TAF2: variants seen among roughly 807,000 people sequenced by gnomAD.
TAF2 encodes TATA-box binding protein associated factor 2.
Under a neutral mutation model 138.5 loss-of-function variants are expected in TAF2, and 61 were observed. The ratio of observed to expected loss-of-function variants is 0.44; its 90% CI spans 0.36 to 0.54. The LOEUF is 0.54. TAF2 is among the 20% of genes least tolerant of loss of function. The pLI, the probability that TAF2 is intolerant of heterozygous loss-of-function variation, is 0.00. For missense variants in TAF2, 1,090 were observed against 1,427.9 expected, an observed-to-expected ratio of 0.76 and a Z score of 3.81; for synonymous variants, 475 against 469.9, an observed-to-expected ratio of 1.01 and a Z score of -0.14.
In TAF2 at chr8:119,832,582, C is replaced by T; in HGVS notation, c.-18G>A. On this transcript the variant is annotated 5_prime_UTR_variant, in exon 1 of 26. Transcript: ENST00000378164. Reference sequence around the variant, plus strand: ...AGCGGCATGAAGCGGTCCCGCGGAGCTTGGCTTCCCGGCTTCCTAGGGGGA... The same window carrying T: ...AGCGGCATGAAGCGGTCCCGCGGAGTTTGGCTTCCCGGCTTCCTAGGGGGA... 1 of 1,611,518 alleles carries T rather than the reference C, an allele frequency of 6.2e-7. No homozygotes were observed. Among genetic ancestry groups the T allele is most frequent in the East Asian group, 2.2e-5 (1 of 44,890 alleles).
At chr8:119,817,494 T>G (rs1825556261) in intron 3 of TAF2, among the ~76,000 whole-genome samples, 2 of 152,150 alleles carry the variant, frequency 1.3e-5, no homozygotes, top group African/African-American at 4.8e-5. Context: ...AAAACTGTCT[T>G]CCAAGAAACT....
chr8:119,791,238 T>C (rs2131169876), intron 11 of TAF2, 86 bp downstream of exon 11: 1 of 1,509,096 alleles, frequency 6.6e-7, no homozygotes, highest in East Asian at 2.3e-5. Context: ...CCAGATGTCC[T>C]GACTCCTATT....
chr8:119,795,523 T>C lies in TAF2; in HGVS notation c.1191+9A>G. ...CTTGTAAGTGGATAAGGGATCTAGCTGTTATTACCTCTTTAATCCAATGGC... is the reference window on the plus strand; with the variant it reads ...CTTGTAAGTGGATAAGGGATCTAGCCGTTATTACCTCTTTAATCCAATGGC... On this transcript the variant is annotated intron_variant, in intron 9 of 25. Coordinates refer to ENST00000378164, the MANE Select transcript of TAF2 (RefSeq NM_003184.4). 6.2e-7 allele frequency: 1 copy of C among 1,606,596 alleles called. No homozygotes were observed. Among genetic ancestry groups the C allele is most frequent in the Non-Finnish European group, 8.5e-7 (1 of 1,173,300 alleles).
chr8:119,768,549 G>T (rs1345000506), intron 18 of TAF2, among the ~76,000 whole-genome samples: 1 of 152,080 alleles, frequency 6.6e-6, no homozygotes, highest in Non-Finnish European at 1.5e-5. Context: ...CAATTTTTTT[G>T]AATGTATTGA....
intron 22 of TAF2, among the ~76,000 whole-genome samples, chr8:119,747,960 C>A (rs757668935): frequency 2.6e-5 from 4 of 152,092 alleles, no homozygotes; most frequent in Non-Finnish European, 5.9e-5. Flanking sequence ...CCACTCTCTA[C>A]TAAAAATACA....
chr8:119,788,906 T>G lies in TAF2; in HGVS notation c.1569-2A>C. 1 of 1,577,342 alleles carries G rather than the reference T, an allele frequency of 6.3e-7. No individual in the cohort carries two copies. The highest frequency in any genetic ancestry group is 8.7e-7 in the Non-Finnish European group (1 of 1,146,516). On this transcript the variant is annotated splice_acceptor_variant, in intron 12 of 25. Coordinates refer to ENST00000378164, the MANE Select transcript of TAF2 (RefSeq NM_003184.4). LOFTEE classifies it high-confidence loss of function. Reference sequence around the variant, plus strand: ...AATTTTACCACTCCACTCTGATCTCTGAAGAATTGTAAAGGAAAGTTTACA... The same window carrying G: ...AATTTTACCACTCCACTCTGATCTCGGAAGAATTGTAAAGGAAAGTTTACA...
intron 14 of TAF2, among the ~76,000 whole-genome samples, chr8:119,787,560 A>G (rs1041832580): frequency 1.3e-5 from 2 of 152,220 alleles, no homozygotes; most frequent in Non-Finnish European, 2.9e-5. Flanking sequence ...CGCCAGTTAG[A>G]ACAGCAATCA....
At chr8:119,746,628 G>C in intron 23 of TAF2, 77 bp downstream of exon 23, 1 of 1,476,882 alleles carries the variant, frequency 6.8e-7, no homozygotes, top group Non-Finnish European at 9.5e-7. Flanking sequence ...AAATTCACTA[G>C]TTCACAGGAA....
At chr8:119,771,586 T>TAAAGAAAG (rs778421239) in intron 18 of TAF2, among the ~76,000 whole-genome samples, 1 of 151,806 alleles carries the variant, frequency 6.6e-6, no homozygotes, top group African/African-American at 2.4e-5. Context: ...CTGACAATAG[T>TAAAGAAAG]AAAGAAAGAA....
chr8:119,808,525 T>C (rs762608749), intron 3 of TAF2, among the ~76,000 whole-genome samples: 1 of 152,242 alleles, frequency 6.6e-6, no homozygotes, highest in Non-Finnish European at 1.5e-5. Flanking sequence ...ATGAATGTCC[T>C]TAATGGCATC....
At chr8:119,803,259 T>G (rs1824387312) in intron 5 of TAF2, among the ~76,000 whole-genome samples, 1 of 152,252 alleles carries the variant, frequency 6.6e-6, no homozygotes, top group African/African-American at 2.4e-5. Flanking sequence ...TTGTGAAAAT[T>G]CATCGAGCTT....
Position 119,795,642 on chromosome 8 carries a change from A to G in TAF2, c.1092-11T>C. 1 of 1,611,526 alleles carries G rather than the reference A, an allele frequency of 6.2e-7. No individual in the cohort carries two copies. Among genetic ancestry groups the G allele is most frequent in the South Asian group, 1.1e-5 (1 of 91,018 alleles). On this transcript the variant is annotated splice_polypyrimidine_tract_variant and intron_variant, in intron 8 of 25. Coordinates refer to ENST00000378164, the MANE Select transcript of TAF2 (RefSeq NM_003184.4). ...ACCCATTCATCAGACCTAAGCAAAA[A>G]GTCAAAGCATAAATTACTTTTAATC...
At chr8:119,787,336 C>T (rs774613903) in intron 14 of TAF2, among the ~76,000 whole-genome samples, 1 of 151,666 alleles carries the variant, frequency 6.6e-6, no homozygotes, top group African/African-American at 2.4e-5. Flanking sequence ...GCACATGTAC[C>T]CTAAAACTTA....
At chr8:119,805,622 T>C (rs952178206) in intron 4 of TAF2, among the ~76,000 whole-genome samples, 3 of 151,958 alleles carry the variant, frequency 2.0e-5, no homozygotes, top group African/African-American at 7.3e-5. Context: ...GAAGAATTCC[T>C]TGAACTCGGG....
chr8:119,744,046 T>A (rs1819781186), intron 24 of TAF2, among the ~76,000 whole-genome samples: 1 of 152,056 alleles, frequency 6.6e-6, no homozygotes, highest in Non-Finnish European at 1.5e-5. Context: ...CTAGAAAGAA[T>A]CTGAATGATG....
At chr8:119,830,089 AG>A (rs1184232222) in intron 2 of TAF2, among the ~76,000 whole-genome samples, 2 of 151,688 alleles carry the variant, frequency 1.3e-5, no homozygotes, top group Non-Finnish European at 2.9e-5. Flanking sequence ...TAGTAGAGAC[AG>A]GGTTTCACCG....
intron 10 of TAF2, 139 bp from the exon 11 acceptor site, chr8:119,791,598 T>TA: frequency 2.1e-6 from 2 of 936,248 alleles, no homozygotes; most frequent in Non-Finnish European, 3.1e-6. Flanking sequence ...AATAAACATC[T>TA]AAAAATAAAC....
Position 119,800,016 on chromosome 8 carries a change from T to C in TAF2, c.792+1778A>G, listed in dbSNP as rs191204086. Among the ~76,000 whole-genome samples, 248 of 152,358 alleles carry C rather than the reference T, an allele frequency of 1.6e-3. 1 individual carries two copies. Among genetic ancestry groups the C allele is most frequent in the African/African-American group, 5.6e-3 (234 of 41,586 alleles). ...ATGGGGTTGTTTTTTTCTTGTAAAT[T>C]TGACTTCTTTGTAGATTCTGCATAT... is the stretch of plus-strand genomic sequence containing the variant. On this transcript the variant is annotated intron_variant, in intron 6 of 25. Coordinates refer to ENST00000378164, the MANE Select transcript of TAF2 (RefSeq NM_003184.4).
chr8:119,803,053 G>A (rs1003343922), intron 5 of TAF2, among the ~76,000 whole-genome samples: 3 of 152,044 alleles, frequency 2.0e-5, no homozygotes, highest in African/African-American at 7.2e-5. Flanking sequence ...GGGGATTGCA[G>A]TGAGCCAAGA....
Sources: gnomAD v4.1 joint callset for allele counts (sites outside exome capture counted in the v4.1 genomes callset) on GRCh38, gnomAD v4.1.1 for gene constraint, MANE v1.5 for transcripts, NCBI Gene and HGNC (gene_info 2026-07-23, HGNC 2026-07-21) for gene names.